The following TFEC variants were observed in gnomAD, a reference collection of about 807,000 sequenced individuals.
TFEC encodes transcription factor EC, also known as class E basic helix-loop-helix protein 34.
Under a neutral mutation model 41.6 loss-of-function variants are expected in TFEC, and 31 were observed. The ratio of observed to expected loss-of-function variants is 0.74; its 90% CI spans 0.56 to 1.01. TFEC has a LOEUF of 1.01. TFEC is among the 50% of genes least tolerant of loss of function. The pLI is 0.00. For synonymous variants in TFEC, 143 were observed against 140.6 expected, an observed-to-expected ratio of 1.02 and a Z score of -0.12; for missense variants, 402 against 404.1, an observed-to-expected ratio of 0.99 and a Z score of 0.04.
At chr7:116,043,842 A>C (rs1796096793) in intron 3 of TFEC, among the ~76,000 whole-genome samples, 1 of 152,182 alleles carries the variant, frequency 6.6e-6, no homozygotes, top group Admixed American at 6.5e-5. Context: ...TTCAGGTCAT[A>C]AAATGATCCA....
intron 1 of TFEC, among the ~76,000 whole-genome samples, chr7:116,142,921 G>A (rs1310725085): frequency 1.3e-5 from 2 of 152,120 alleles, no homozygotes; most frequent in Non-Finnish European, 2.9e-5. Flanking sequence ...ATGTAGCATA[G>A]ACCACCGATT....
intron 1 of TFEC, among the ~76,000 whole-genome samples, chr7:116,011,740 C>A (rs1795009411): frequency 6.6e-6 from 1 of 152,106 alleles, no homozygotes; most frequent in Non-Finnish European, 1.5e-5. Context: ...GTGTTTTGGT[C>A]AGGGGGTGGA....
At chr7:116,039,421 CTGTGTG>C (rs140778741) in intron 3 of TFEC, among the ~76,000 whole-genome samples, 19 of 144,334 alleles carry the variant, frequency 1.3e-4, no homozygotes, top group Middle Eastern at 3.5e-3. Flanking sequence ...AAAGAAAATT[CTGTGTG>C]TGTGTGTGTG....
intron 3 of TFEC, among the ~76,000 whole-genome samples, chr7:116,040,543 A>G (rs1218281493): frequency 6.6e-6 from 1 of 152,192 alleles, no homozygotes. Context: ...TTTTTGCTTT[A>G]CAATAGCATT....
intron 1 of TFEC, among the ~76,000 whole-genome samples, chr7:116,138,358 T>TA (rs1414437746): frequency 6.6e-6 from 1 of 152,184 alleles, no homozygotes; most frequent in African/African-American, 2.4e-5. Context: ...GTATACAGTT[T>TA]AATGTTCCAT....
chr7:116,024,395 A>T (rs117742552), intron 1 of TFEC, among the ~76,000 whole-genome samples: 177 of 152,310 alleles, frequency 1.2e-3, no homozygotes, highest in Non-Finnish European at 2.0e-3. Flanking sequence ...GGGCCTAAAC[A>T]GCATCCAGAC....
chr7:116,042,812 G>A (rs943072480), intron 3 of TFEC, among the ~76,000 whole-genome samples: 3 of 152,040 alleles, frequency 2.0e-5, no homozygotes, highest in African/African-American at 7.2e-5. Context: ...TAATTCAATG[G>A]GGAAATTGCT....
chr7:116,095,791 T>C (rs1350687381), intron 3 of TFEC, among the ~76,000 whole-genome samples: 1 of 152,168 alleles, frequency 6.6e-6, no homozygotes, highest in Non-Finnish European at 1.5e-5. Context: ...CTTTCTTGAA[T>C]ATCTCTTGCT....
At chr7:116,030,512 T>A in intron 1 of TFEC, 121 bp downstream of exon 1, 3 of 611,730 alleles carry the variant, frequency 4.9e-6, no homozygotes, top group Middle Eastern at 8.1e-4. Flanking sequence ...CTAGTTATCA[T>A]AAAAGATGAA....
chr7:116,150,266 G>C (rs1798733703), intron 1 of TFEC, among the ~76,000 whole-genome samples: 1 of 152,056 alleles, frequency 6.6e-6, no homozygotes, highest in South Asian at 2.1e-4. Flanking sequence ...TTCTGTTTAA[G>C]CTCCTCTTCT....
chr7:115,955,241 G>A (rs1792160557), intron 4 of TFEC, among the ~76,000 whole-genome samples: 1 of 151,958 alleles, frequency 6.6e-6, no homozygotes, highest in South Asian at 2.1e-4. Context: ...TTCTTAATTT[G>A]TAGTATTCAC....
intron 3 of TFEC, among the ~76,000 whole-genome samples, chr7:115,960,482 G>A (rs565662489): frequency 7.9e-5 from 12 of 151,656 alleles, no homozygotes; most frequent in South Asian, 4.1e-4. Flanking sequence ...AAGTGATTGC[G>A]GAATAAATAA....
chr7:116,070,396 A>G (rs1384184650), intron 3 of TFEC, among the ~76,000 whole-genome samples: 1 of 151,470 alleles, frequency 6.6e-6, no homozygotes, highest in Admixed American at 6.6e-5. Flanking sequence ...TTGAAAATTA[A>G]GTTATTTAGA....
At chr7:116,103,648 G>A (rs1797652793) in intron 3 of TFEC, among the ~76,000 whole-genome samples, 1 of 151,956 alleles carries the variant, frequency 6.6e-6, no homozygotes, top group African/African-American at 2.4e-5. Flanking sequence ...TCAGCCACAG[G>A]GTCAGTTAAC....
At chr7:115,941,691 T>A in intron 7 of TFEC, 1 of 603,600 alleles carries the variant, frequency 1.7e-6, no homozygotes, top group South Asian at 2.2e-5. Flanking sequence ...ATATACATAT[T>A]CAGCCATCTT....
At chr7:116,027,803 T>G (rs986586245) in intron 1 of TFEC, among the ~76,000 whole-genome samples, 1 of 152,182 alleles carries the variant, frequency 6.6e-6, no homozygotes, top group Non-Finnish European at 1.5e-5. Context: ...ATGGTAACTC[T>G]TAGGAATGAA....
chr7:116,139,581 A>G (rs1798500033), intron 1 of TFEC, among the ~76,000 whole-genome samples: 1 of 152,216 alleles, frequency 6.6e-6, no homozygotes, highest in African/African-American at 2.4e-5. Flanking sequence ...CCTTGCATTT[A>G]TTTAGTTTAT....
chr7:115,987,549 G>T (rs1262109736), intron 1 of TFEC, among the ~76,000 whole-genome samples: 1 of 152,110 alleles, frequency 6.6e-6, no homozygotes, highest in Admixed American at 6.5e-5. Context: ...GGCACTAAGT[G>T]GTACACTGAA....
chr7:115,946,237 AAT>A (rs1791539151), intron 6 of TFEC, among the ~76,000 whole-genome samples: 1 of 150,918 alleles, frequency 6.6e-6, no homozygotes, highest in African/African-American at 2.4e-5. Flanking sequence ...GTAGAGTCTA[AAT>A]TAGGCCTGAG....
Sources: gnomAD v4.1 joint callset for allele counts (sites outside exome capture counted in the v4.1 genomes callset) on GRCh38, gnomAD v4.1.1 for gene constraint, MANE v1.5 for transcripts, NCBI Gene and HGNC (gene_info 2026-07-23, HGNC 2026-07-21) for gene names.